Variants in PHTF1 observed in about 807,000 individuals in gnomAD.
The protein encoded by PHTF1 is protein PHTF1.
A neutral mutation model predicts 102.4 loss-of-function variants in PHTF1; 88 were observed. That is an observed-to-expected ratio of 0.86 (90% CI 0.72 to 1.03). The LOEUF is 1.03. Ranked by LOEUF, PHTF1 falls within the 50% of genes least tolerant of loss-of-function variation. PHTF1 has a pLI of 0.00. For missense variants in PHTF1, 814 were observed against 909.5 expected, an observed-to-expected ratio of 0.89 and a Z score of 1.35; for synonymous variants, 289 against 305.2, an observed-to-expected ratio of 0.95 and a Z score of 0.55.
At chr1:113,749,071 A>C (rs189549097) in intron 3 of PHTF1, among the ~76,000 whole-genome samples, 77 of 152,288 alleles carry the variant, frequency 5.1e-4, no homozygotes, top group Admixed American at 7.9e-4. Flanking sequence ...AGCATTTTTC[A>C]AGAATACAAC....
chr1:113,699,722 C>G lies in PHTF1; in HGVS notation c.2124G>C (p.Leu708=). ...GACTTACTTTCAACAACTTGGTGGA[C>G]AGCTTTAATACATTGTTTACTAGAG... The part of the protein sequence containing the change: ...QLTLVNNVLK[L]STKLLKELDT... Residue 708 remains leucine (L), a synonymous_variant, in exon 17 of 19, where the codon CTG becomes CTC. Transcript: ENST00000369604. 1 of 1,442,512 alleles carries G rather than the reference C, an allele frequency of 6.9e-7. No homozygotes were observed. Among genetic ancestry groups the G allele is most frequent in the Non-Finnish European group, 9.7e-7 (1 of 1,035,622 alleles). The allele number at this position is 1,442,512 out of a possible 1,614,324, so 89.4% of individuals were successfully genotyped here.
At chr1:113,706,234 C>T in intron 12 of PHTF1, 72 bp from the exon 13 acceptor site, 4 of 1,266,950 alleles carry the variant, frequency 3.2e-6, no homozygotes, top group Non-Finnish European at 4.4e-6. Context: ...ATTTATCAAA[C>T]ACTATTTAGA....
chr1:113,725,184 AC>A (rs1381571504), intron 6 of PHTF1, among the ~76,000 whole-genome samples: 2 of 152,212 alleles, frequency 1.3e-5, no homozygotes, highest in Non-Finnish European at 2.9e-5. Flanking sequence ...CTGTTCAGGC[AC>A]ATTCAACACC....
rs190128108 is a variant in PHTF1 at position 113,735,883 on chromosome 1, C to T, written c.331+2227G>A. The stretch of plus-strand genomic sequence containing the variant: ...TCATATCTTTTTGCAGAGATGTAAC[C>T]ATAGTATATACTGTCTACTTCCTTG... On this transcript the variant is annotated intron_variant, in intron 5 of 18. Transcript: ENST00000369604. 1.1e-4 allele frequency among the ~76,000 whole-genome samples: 16 copies of T among 152,212 alleles called. 1 individual carries two copies. Among genetic ancestry groups the T allele is most frequent in the Admixed American group, 1.3e-4 (2 of 15,284 alleles).
At chr1:113,701,055 T>G (rs1324768603) in intron 15 of PHTF1, 106 bp from the exon 16 acceptor site, 2 of 808,580 alleles carry the variant, frequency 2.5e-6, no homozygotes, top group East Asian at 5.2e-5. Flanking sequence ...TCCAATATTT[T>G]AATACTGAAA....
chr1:113,732,477 CAG>C (rs1654812289), intron 5 of PHTF1, among the ~76,000 whole-genome samples: 1 of 152,036 alleles, frequency 6.6e-6, no homozygotes, highest in South Asian at 2.1e-4. Context: ...GTCTGGGCAA[CAG>C]AGTGAGACTC....
chr1:113,702,644 A>AC (rs1649578382), intron 15 of PHTF1, among the ~76,000 whole-genome samples: 1 of 124,134 alleles, frequency 8.1e-6, no homozygotes, highest in African/African-American at 3.9e-5. Flanking sequence ...CCCGGCTACC[A>AC]GAAAAAAAAG....
chr1:113,718,912 C>T (rs537042884), intron 7 of PHTF1, among the ~76,000 whole-genome samples: 2 of 152,300 alleles, frequency 1.3e-5, no homozygotes, highest in Admixed American at 6.5e-5. Context: ...TTCCCCATTG[C>T]TTGGGTATTA....
intron 7 of PHTF1, among the ~76,000 whole-genome samples, chr1:113,716,635 C>T (rs1251479701): frequency 6.6e-6 from 1 of 152,090 alleles, no homozygotes; most frequent in African/African-American, 2.4e-5. Context: ...TAGGCCTGAG[C>T]CACTATGTCC....
chr1:113,753,809 G>C (rs1658451018), intron 3 of PHTF1, among the ~76,000 whole-genome samples: 1 of 151,450 alleles, frequency 6.6e-6, no homozygotes, highest in South Asian at 2.1e-4. Flanking sequence ...TGAGTAGCTG[G>C]GACCACAGGC....
intron 15 of PHTF1, among the ~76,000 whole-genome samples, chr1:113,701,924 C>T (rs1649499509): frequency 6.9e-6 from 1 of 144,192 alleles, no homozygotes; most frequent in African/African-American, 2.6e-5. Context: ...AATTCATCAC[C>T]AGCAGACTGG....
At position 113,759,072 on chromosome 1, in the gene PHTF1, GCC is replaced by G; in HGVS notation, c.-82_-81del. 1.0e-6 allele frequency: 1 copy of G among 998,506 alleles called. No individual in the cohort carries two copies. Among genetic ancestry groups the G allele is most frequent in the Middle Eastern group, 5.0e-4 (1 of 1,990 alleles). The allele number at this position is 998,506 out of a possible 1,614,324, so 61.9% of individuals were successfully genotyped here. On this transcript the variant is annotated 5_prime_UTR_variant, in exon 1 of 19. An upstream open reading frame in the 5' UTR loses its in-frame stop. Transcript: ENST00000369604. ...GGCGCCCGGGACCTCCGTCCTCAGT[GCC>G]CGGGGTCCCACCGTGAGGCCGGGGG...
At chr1:113,712,780 C>CA (rs1333637422) in intron 8 of PHTF1, among the ~76,000 whole-genome samples, 1 of 138,410 alleles carries the variant, frequency 7.2e-6, no homozygotes, top group Non-Finnish European at 1.5e-5. Flanking sequence ...GGATAACTCA[C>CA]AAAATTTTTT....
chr1:113,755,566 T>TA (rs35763204), intron 3 of PHTF1, among the ~76,000 whole-genome samples: 1 of 151,732 alleles, frequency 6.6e-6, no homozygotes, highest in South Asian at 2.1e-4. Flanking sequence ...AGAGAACGAG[T>TA]AAAAAATATG....
intron 3 of PHTF1, among the ~76,000 whole-genome samples, chr1:113,750,647 A>C (rs1657922627): frequency 1.3e-5 from 2 of 150,476 alleles, no homozygotes; most frequent in South Asian, 4.2e-4. Flanking sequence ...TCATGAAATC[A>C]AGAGATCGAG....
intron 5 of PHTF1, among the ~76,000 whole-genome samples, chr1:113,728,181 G>GA (rs1338234580): frequency 2.0e-5 from 3 of 152,190 alleles, no homozygotes; most frequent in Non-Finnish European, 2.9e-5. Flanking sequence ...CAGAATGAGA[G>GA]AAAGTCTTTG....
At chr1:113,719,927 C>T (rs1557929418) in intron 7 of PHTF1, among the ~76,000 whole-genome samples, 1 of 152,178 alleles carries the variant, frequency 6.6e-6, no homozygotes, top group Non-Finnish European at 1.5e-5. Context: ...GTGAAAGGCA[C>T]TTCTTAGATG....
chr1:113,745,292 T>C (rs1161026304), intron 3 of PHTF1, among the ~76,000 whole-genome samples: 1 of 151,886 alleles, frequency 6.6e-6, no homozygotes, highest in African/African-American at 2.4e-5. Flanking sequence ...ATGAGAAAAA[T>C]AATCAAATTT....
chr1:113,701,826 T>TAAAAAAAAAAAAAAAAAAAAAAAAAAAAA lies in PHTF1; in HGVS notation c.1891-906_1891-878dup, dbSNP rs34844793. ...TGGCAACCTGGAATTCAATTCCTGG[T>TAAAAAAAAAAAAAAAAAAAAAAAAAAAAA]AAAAAAAAAAAAAAAAAAAAAAAAA... On this transcript the variant is annotated intron_variant, in intron 15 of 18. Coordinates refer to ENST00000369604, the MANE Select transcript of PHTF1 (RefSeq NM_001323043.2). 1.4e-4 allele frequency among the ~76,000 whole-genome samples: 4 copies of TAAAAAAAAAAAAAAAAAAAAAAAAAAAAA among 28,002 alleles called. 1 individual carries two copies. Among genetic ancestry groups the TAAAAAAAAAAAAAAAAAAAAAAAAAAAAA allele is most frequent in the Admixed American group, 4.9e-4 (1 of 2,028 alleles). 18.4% of individuals were successfully genotyped at this position (28,002 alleles called of 152,430 possible).
Sources: gnomAD v4.1 joint callset for allele counts (sites outside exome capture counted in the v4.1 genomes callset) on GRCh38, gnomAD v4.1.1 for gene constraint, MANE v1.5 for transcripts, NCBI Gene and HGNC (gene_info 2026-07-23, HGNC 2026-07-21) for gene names.